RPAP3: variants seen among roughly 807,000 people sequenced by gnomAD.
RPAP3 encodes the protein RNA polymerase II associated protein 3.
RPAP3 carries 58 observed loss-of-function variants against 88.8 expected under a neutral mutation model. The ratio of observed to expected loss-of-function variants is 0.65; its 90% CI spans 0.53 to 0.81. The LOEUF (loss-of-function observed/expected upper bound fraction) is 0.81. Ranked by LOEUF, RPAP3 falls within the 40% of genes least tolerant of loss-of-function variation. RPAP3 has a pLI of 0.00. For missense variants in RPAP3, 751 were observed against 764.3 expected, an observed-to-expected ratio of 0.98 and a Z score of 0.20; for synonymous variants, 255 against 259.9, an observed-to-expected ratio of 0.98 and a Z score of 0.18.
chr12:47,701,564 T>C lies in RPAP3; in HGVS notation c.194A>G (p.Lys65Arg). ...GGAAGACTCTTTAGCTTTGCCTTTC[T>C]TCTTTTTCCTAAAATTCCCATTTCG... Reference protein sequence around the residue: ...PIRNGNFRKKKKGKAKESSKK... With the variant: ...PIRNGNFRKKRKGKAKESSKK... Residue 65 changes from lysine (K) to arginine (R), a missense_variant, in exon 3 of 17, where the codon AAG becomes AGG. By Grantham distance (26) the Lys-to-Arg change is conservative. Coordinates refer to ENST00000005386, the MANE Select transcript of RPAP3 (RefSeq NM_024604.3). The C allele has an allele frequency of 2.5e-6, 4 of 1,594,882 alleles. No homozygotes were observed. Among genetic ancestry groups the C allele is most frequent in the African/African-American group, 1.4e-5 (1 of 73,914 alleles).
chr12:47,684,875 C>A (rs953720270), intron 9 of RPAP3, among the ~76,000 whole-genome samples: 2 of 152,134 alleles, frequency 1.3e-5, no homozygotes, highest in South Asian at 4.1e-4. Flanking sequence ...AATCTATCTC[C>A]AGTGATATCT....
At chr12:47,677,214 A>T (rs1939134245) in intron 12 of RPAP3, among the ~76,000 whole-genome samples, 2 of 152,210 alleles carry the variant, frequency 1.3e-5, no homozygotes, top group South Asian at 4.1e-4. Flanking sequence ...AAAAACACTC[A>T]ATAAACTAGG....
intron 10 of RPAP3, 101 bp from the exon 11 acceptor site, chr12:47,679,875 A>C (rs1289142498): frequency 2.1e-5 from 17 of 811,340 alleles, no homozygotes; most frequent in Non-Finnish European, 3.4e-5. Flanking sequence ...TCACATTTTT[A>C]GCTCAAGCAG....
At chr12:47,694,013 T>C (rs1439802587) in intron 5 of RPAP3, among the ~76,000 whole-genome samples, 2 of 152,250 alleles carry the variant, frequency 1.3e-5, no homozygotes, top group Non-Finnish European at 2.9e-5. Context: ...TCCAGACTGA[T>C]TTATAAATCT....
intron 12 of RPAP3, among the ~76,000 whole-genome samples, chr12:47,671,813 G>A (rs1939004501): frequency 6.6e-6 from 1 of 151,536 alleles, no homozygotes; most frequent in Admixed American, 6.6e-5. Flanking sequence ...GCCACTGAGG[G>A]TCACTGATGA....
chr12:47,704,740 G>A (rs1939743005), intron 1 of RPAP3, among the ~76,000 whole-genome samples: 1 of 151,958 alleles, frequency 6.6e-6, no homozygotes, highest in African/African-American at 2.4e-5. Context: ...GGTGGCTCAT[G>A]CCTGTAATCC....
chr12:47,700,661 A>G lies in RPAP3; in HGVS notation c.294+803T>C, dbSNP rs984338849. The stretch of plus-strand genomic sequence containing the variant: ...GCTTGAAACACTGGTAAAGGGTTGT[A>G]AGGCAGAGCACTGATGGTGATTCTC... On this transcript the variant is annotated intron_variant, in intron 3 of 16. Transcript: ENST00000005386. 1.5e-4 allele frequency among the ~76,000 whole-genome samples: 23 copies of G among 152,212 alleles called. 1 individual carries two copies. The highest frequency in any genetic ancestry group is 6.5e-5 in the Admixed American group (1 of 15,286).
At chr12:47,680,976 A>AAC (rs1288164517) in intron 10 of RPAP3, among the ~76,000 whole-genome samples, 11 of 151,834 alleles carry the variant, frequency 7.2e-5, no homozygotes, top group African/African-American at 2.4e-4. Flanking sequence ...AACGAAACAA[A>AAC]AAAAAAAAAA....
At chr12:47,670,409 A>G in intron 12 of RPAP3, 64 bp from the exon 13 acceptor site, 1 of 917,170 alleles carries the variant, frequency 1.1e-6, no homozygotes, top group Admixed American at 2.4e-5. Flanking sequence ...TAGGGTCACA[A>G]GTTAAAAGGC....
chr12:47,666,689 A>G (rs539607442), intron 16 of RPAP3, among the ~76,000 whole-genome samples: 1 of 152,228 alleles, frequency 6.6e-6, no homozygotes, highest in East Asian at 1.9e-4. Context: ...TAGCTATGTG[A>G]CCTTAGCAAG....
intron 5 of RPAP3, among the ~76,000 whole-genome samples, chr12:47,695,243 A>G (rs1939500518): frequency 6.6e-6 from 1 of 152,042 alleles, no homozygotes; most frequent in Admixed American, 6.5e-5. Flanking sequence ...TAACAGTTAC[A>G]ATGAGAGCTC....
chr12:47,676,292 A>C (rs2136617123), intron 12 of RPAP3, among the ~76,000 whole-genome samples: 1 of 152,324 alleles, frequency 6.6e-6, no homozygotes, highest in East Asian at 1.9e-4. Context: ...AAGAGAAACC[A>C]GGAAAAGATC....
chr12:47,687,073 G>A (rs965764798), intron 8 of RPAP3, among the ~76,000 whole-genome samples, 166 bp from the exon 9 acceptor site: 1 of 152,104 alleles, frequency 6.6e-6, no homozygotes, highest in African/African-American at 2.4e-5. Context: ...GTTGGTTTGG[G>A]TTGTTTCTTT....
intron 12 of RPAP3, among the ~76,000 whole-genome samples, chr12:47,678,124 AC>A (rs1258836809): frequency 6.6e-6 from 1 of 152,224 alleles, no homozygotes. Context: ...TCTTTGACAA[AC>A]CTGACAAAAA....
intron 9 of RPAP3, among the ~76,000 whole-genome samples, chr12:47,685,694 C>T (rs549158063): frequency 6.6e-5 from 10 of 152,294 alleles, no homozygotes; most frequent in Middle Eastern, 3.4e-3. Flanking sequence ...GAAGATGTGT[C>T]GAGGATCATC....
chr12:47,663,345 CT>C lies in RPAP3; in HGVS notation c.*159del. The C allele has an allele frequency of 1.9e-6, 1 of 516,460 alleles. No individual in the cohort carries two copies. The highest frequency in any genetic ancestry group is 3.4e-6 in the Non-Finnish European group (1 of 296,050). 32.0% of individuals were successfully genotyped at this position (516,460 alleles called of 1,614,324 possible). A position where few individuals can be genotyped will look rare whatever the true frequency, so the allele number is the denominator to read the frequency against. ...AAACAGAGTTCACTTGAATACAATT[CT>C]CACTAGTTAAATCACAATTCACCTT... On this transcript the variant is annotated 3_prime_UTR_variant, in exon 17 of 17. Transcript: ENST00000005386.
At chr12:47,669,162 G>C in intron 13 of RPAP3, 60 bp from the exon 14 acceptor site, 1 of 1,193,162 alleles carries the variant, frequency 8.4e-7, no homozygotes, top group Non-Finnish European at 1.2e-6. Context: ...GCTCAATCAA[G>C]GAGACATCAA....
intron 3 of RPAP3, among the ~76,000 whole-genome samples, chr12:47,700,771 T>C (rs1181753360): frequency 1.3e-5 from 2 of 152,214 alleles, no homozygotes; most frequent in African/African-American, 4.8e-5. Flanking sequence ...CCCAACTTCC[T>C]AGGATCAAGA....
At chr12:47,676,243 G>A (rs1042232649) in intron 12 of RPAP3, among the ~76,000 whole-genome samples, 10 of 152,188 alleles carry the variant, frequency 6.6e-5, no homozygotes, top group African/African-American at 2.4e-4. Flanking sequence ...CACATTTAAA[G>A]CAGTGTGTAG....
Sources: gnomAD v4.1 joint callset for allele counts (sites outside exome capture counted in the v4.1 genomes callset) on GRCh38, gnomAD v4.1.1 for gene constraint, MANE v1.5 for transcripts, NCBI Gene and HGNC (gene_info 2026-07-23, HGNC 2026-07-21) for gene names.